Variants in CDC14A observed in about 807,000 individuals in gnomAD.
CDC14A encodes cell division cycle 14A.
CDC14A carries 53 observed loss-of-function variants against 74.4 expected under a neutral mutation model. The ratio of observed to expected loss-of-function variants is 0.71; its 90% CI spans 0.57 to 0.89. CDC14A has a LOEUF of 0.89. Among genes scored for constraint, CDC14A ranks in the 40% least tolerant of loss-of-function variants. The probability of loss-of-function intolerance (pLI) is 0.00; values close to 1 mark genes in which losing one functional copy is unlikely to be tolerated. For missense variants in CDC14A, 646 were observed against 713.7 expected, an observed-to-expected ratio of 0.91 and a Z score of 1.08; for synonymous variants, 247 against 258.4, an observed-to-expected ratio of 0.96 and a Z score of 0.43.
chr1:100,406,942 A>G (rs1571091777), intron 4 of CDC14A, among the ~76,000 whole-genome samples: 1 of 151,836 alleles, frequency 6.6e-6, no homozygotes, highest in Admixed American at 6.6e-5. Flanking sequence ...AAAAAAAAAA[A>G]AAAAGAAAAA....
chr1:100,425,437 G>A (rs1265057668), intron 5 of CDC14A, among the ~76,000 whole-genome samples: 1 of 152,110 alleles, frequency 6.6e-6, no homozygotes, highest in Non-Finnish European at 1.5e-5. Context: ...AGGCCCCAGT[G>A]CCTTATACTT....
intron 5 of CDC14A, among the ~76,000 whole-genome samples, chr1:100,433,965 T>C (rs922976792): frequency 2.6e-5 from 4 of 152,248 alleles, no homozygotes; most frequent in Non-Finnish European, 5.9e-5. Flanking sequence ...ACAAGCTCTT[T>C]AACATTTAAT....
Position 100,462,838 on chromosome 1 carries a change from C to T in CDC14A, c.795C>T (p.Asn265=). 1.2e-6 allele frequency: 2 copies of T among 1,614,046 alleles called. No homozygotes were observed. Among genetic ancestry groups the T allele is most frequent in the South Asian group, 1.1e-5 (1 of 91,074 alleles). ...ACAACATCGTGCGAAGGTTCCTGAA[C>T]ATCTGTGAGAACACCGAAGGGGCCA... ...PSDNIVRRFL[N]ICENTEGAIA... is the part of the protein sequence containing the mutation. Residue 265 remains asparagine (N), a synonymous_variant, in exon 9 of 16, where the codon AAC becomes AAT. Coordinates refer to ENST00000336454, the MANE Select transcript of CDC14A (RefSeq NM_003672.4).
chr1:100,468,447 A>G (rs1245959303), intron 10 of CDC14A, among the ~76,000 whole-genome samples: 3 of 151,630 alleles, frequency 2.0e-5, no homozygotes, highest in South Asian at 4.2e-4. Context: ...CATAATGAGA[A>G]AAAAAAAACC....
In CDC14A at chr1:100,462,761, G is replaced by A. The variant is rs753228260; in HGVS notation, c.718G>A (p.Ala240Thr). 10 of 1,614,080 alleles carry A rather than the reference G, an allele frequency of 6.2e-6. No homozygotes were observed. Among genetic ancestry groups the A allele is most frequent in the East Asian group, 2.2e-5 (1 of 44,870 alleles). The stretch of plus-strand genomic sequence containing the variant: ...TTATGAGGCAAAGCGCTTCACAGAC[G>A]CTGGCTTCGAGCACTATGACCTCTT... ...KIYEAKRFTD[A>T]GFEHYDLFFI... The change falls in exon 9 of 16, where the codon GCT becomes ACT. Residue 240 changes from alanine to threonine, a missense_variant. Physicochemically the swap from Ala to Thr is moderately conservative, Grantham distance 58 (BLOSUM62 0). Coordinates refer to ENST00000336454, the MANE Select transcript of CDC14A (RefSeq NM_003672.4).
intron 10 of CDC14A, among the ~76,000 whole-genome samples, chr1:100,479,125 G>A (rs1369585735): frequency 6.6e-6 from 1 of 152,156 alleles, no homozygotes; most frequent in Non-Finnish European, 1.5e-5. Flanking sequence ...GAAATTAATA[G>A]TTAAACCATT....
At chr1:100,502,865 A>G (rs375218198) in intron 15 of CDC14A, among the ~76,000 whole-genome samples, 38 of 152,338 alleles carry the variant, frequency 2.5e-4, no homozygotes, top group African/African-American at 8.4e-4. Context: ...ATTTTTAAAT[A>G]ATTCAATTTA....
chr1:100,389,993 G>C (rs914951438), intron 3 of CDC14A, among the ~76,000 whole-genome samples: 1 of 152,108 alleles, frequency 6.6e-6, no homozygotes, highest in Non-Finnish European at 1.5e-5. Context: ...CATTTTACCA[G>C]ATCTTTTTGT....
intron 15 of CDC14A, among the ~76,000 whole-genome samples, chr1:100,505,789 G>A (rs1316267491): frequency 6.6e-6 from 1 of 152,152 alleles, no homozygotes; most frequent in East Asian, 1.9e-4. Flanking sequence ...CTGAGGCTGG[G>A]TAATTCATAA....
chr1:100,484,396 A>G lies in CDC14A; in HGVS notation c.1082A>G (p.Asp361Gly), dbSNP rs1669824766. ...AATAAAATTCTTTCTGGCCTAGATG[A>G]TATGTCTATTGGTGGAAATCTTTCA... ...SINKILSGLDDMSIGGNLSKT... is the reference protein window; with the variant it reads ...SINKILSGLDGMSIGGNLSKT... Residue 361 changes from aspartate (D) to glycine (G), a missense_variant, in exon 11 of 16, where the codon GAT becomes GGT. By Grantham distance (94) the Asp-to-Gly change is moderately conservative. Transcript: ENST00000336454. 1 of 1,609,706 alleles carries G rather than the reference A, an allele frequency of 6.2e-7. No homozygotes were observed. The highest frequency in any genetic ancestry group is 2.2e-5 in the East Asian group (1 of 44,564).
chr1:100,406,455 C>T (rs1005202328), intron 4 of CDC14A, among the ~76,000 whole-genome samples: 2 of 152,038 alleles, frequency 1.3e-5, no homozygotes, highest in Admixed American at 6.6e-5. Flanking sequence ...GTCTTTGCCC[C>T]CTGCCTATGT....
At chr1:100,370,132 C>T (rs1283840467) in intron 2 of CDC14A, among the ~76,000 whole-genome samples, 1 of 152,052 alleles carries the variant, frequency 6.6e-6, no homozygotes, top group African/African-American at 2.4e-5. Flanking sequence ...TACAGGCATG[C>T]ACTACCACAC....
At chr1:100,354,697 G>C (rs191038671) in intron 2 of CDC14A, among the ~76,000 whole-genome samples, 1 of 152,338 alleles carries the variant, frequency 6.6e-6, no homozygotes, top group Non-Finnish European at 1.5e-5. Flanking sequence ...AAAAGAGCTG[G>C]TGTTTCAGAG....
intron 4 of CDC14A, among the ~76,000 whole-genome samples, chr1:100,399,821 T>G (rs1277128253): frequency 6.7e-6 from 1 of 150,140 alleles, no homozygotes. Flanking sequence ...TGAGCTGTGA[T>G]CACACCACTG....
At chr1:100,475,968 C>G (rs1324129709) in intron 10 of CDC14A, among the ~76,000 whole-genome samples, 4 of 152,144 alleles carry the variant, frequency 2.6e-5, no homozygotes, top group Admixed American at 6.5e-5. Context: ...GGGTGCCTAC[C>G]TATAGCCTGG....
At chr1:100,381,160 A>G (rs1283743561) in intron 3 of CDC14A, among the ~76,000 whole-genome samples, 1 of 152,040 alleles carries the variant, frequency 6.6e-6, no homozygotes, top group African/African-American at 2.4e-5. Flanking sequence ...ACTTCTTTTG[A>G]CTTTGTCATG....
At chr1:100,468,450 A>G (rs1668061757) in intron 10 of CDC14A, among the ~76,000 whole-genome samples, 2 of 152,142 alleles carry the variant, frequency 1.3e-5, no homozygotes, top group African/African-American at 4.8e-5. Flanking sequence ...AATGAGAAAA[A>G]AAAAACCACA....
intron 11 of CDC14A, among the ~76,000 whole-genome samples, chr1:100,486,174 C>T (rs1670000798): frequency 6.6e-6 from 1 of 152,142 alleles, no homozygotes; most frequent in Non-Finnish European, 1.5e-5. Flanking sequence ...AAAAGACAAA[C>T]ATAAAGTTAA....
At chr1:100,439,182 G>A (rs1245387479) in intron 5 of CDC14A, among the ~76,000 whole-genome samples, 2 of 152,194 alleles carry the variant, frequency 1.3e-5, no homozygotes, top group African/African-American at 4.8e-5. Context: ...CCTTTTGAAG[G>A]AGTACTTCAT....
Sources: allele counts gnomAD v4.1 joint callset (sites outside exome capture counted in the v4.1 genomes callset), GRCh38; gene constraint gnomAD v4.1.1; transcripts MANE v1.5; gene names NCBI Gene and HGNC (gene_info 2026-07-23, HGNC 2026-07-21).